CACNA1A: variants seen among roughly 807,000 people sequenced by gnomAD.
The protein encoded by CACNA1A is voltage-dependent P/Q-type calcium channel subunit alpha-1A.
In CACNA1A, 57 loss-of-function variants were observed where a neutral mutation model predicts 262.4. The ratio of observed to expected loss-of-function variants is 0.22; its 90% CI spans 0.18 to 0.27. The LOEUF is 0.27. Among genes scored for constraint, CACNA1A ranks in the 10% least tolerant of loss-of-function variants. The pLI, the probability that CACNA1A is intolerant of heterozygous loss-of-function variation, is 1.00. For missense variants in CACNA1A, 2,526 were observed against 3,562.8 expected (o/e 0.71, Z 7.41); for synonymous variants, 1,431 against 1,419.3 (o/e 1.01, Z -0.18).
intron 11 of CACNA1A, chr19:13,315,734 T>C (rs552087875): frequency 1.3e-5 from 2 of 152,214 alleles, no homozygotes; most frequent in South Asian, 2.1e-4. Context: ...AAGAAGACAA[T>C]GGCCTGGACT....
chr19:13,464,740 G>A (rs952735439), intron 1 of CACNA1A, among the ~76,000 whole-genome samples: 4 of 151,042 alleles, frequency 2.6e-5, no homozygotes, highest in South Asian at 2.1e-4. Flanking sequence ...AGTAGAGACG[G>A]GGTTTCACCG....
intron 17 of CACNA1A, among the ~76,000 whole-genome samples, chr19:13,301,826 C>G (rs2057795163): frequency 6.6e-6 from 1 of 152,158 alleles, no homozygotes; most frequent in Non-Finnish European, 1.5e-5. Context: ...CAGATCAGGA[C>G]ACTGTCAGAG....
rs943733591 is a variant in CACNA1A, at chr19:13,337,992, G to C, written c.979-2083C>G. Among the ~76,000 whole-genome samples, 4 of 152,294 alleles carry C rather than the reference G, an allele frequency of 2.6e-5. No homozygotes were observed. The East Asian group carries it at 7.7e-4, about 29-fold the overall frequency. On this transcript the variant is annotated intron_variant, in intron 6 of 46. Transcript: ENST00000360228. ...CCCAGCACTTTGGGAGGCCGAGGCG[G>C]GCAGATCATGAGGTCAGGAGATCGA...
At position 13,262,846 on chromosome 19, in the gene CACNA1A, G is replaced by A; in HGVS notation, c.3990-13C>T. 1 of 1,573,188 alleles carries A rather than the reference G, an allele frequency of 6.4e-7. No homozygotes were observed. Among genetic ancestry groups the A allele is most frequent in the Non-Finnish European group, 8.7e-7 (1 of 1,145,296 alleles). ...TTTGCTATTGCCACTGTGGAGGAAT[G>A]TTTAGGTGGGAAGAAGGGAAGAGAG... On this transcript the variant is annotated splice_polypyrimidine_tract_variant and intron_variant, in intron 24 of 46. Transcript: ENST00000360228.
intron 3 of CACNA1A, among the ~76,000 whole-genome samples, chr19:13,390,166 G>C (rs1368047789): frequency 6.6e-6 from 1 of 151,656 alleles, no homozygotes; most frequent in Non-Finnish European, 1.5e-5. Flanking sequence ...ACCCAGACTG[G>C]AGTGCAGCGG....
At chr19:13,373,370 G>A (rs1233118958) in intron 3 of CACNA1A, among the ~76,000 whole-genome samples, 1 of 152,206 alleles carries the variant, frequency 6.6e-6, no homozygotes, top group Non-Finnish European at 1.5e-5. Context: ...ACTTCAGTCT[G>A]TGGCCAACTG....
At chr19:13,216,605 G>A (rs1025752978) in intron 38 of CACNA1A, among the ~76,000 whole-genome samples, 1 of 152,036 alleles carries the variant, frequency 6.6e-6, no homozygotes, top group Admixed American at 6.6e-5. Context: ...TGGGATTACA[G>A]GCATGAGCCA....
In CACNA1A at chr19:13,207,836, G is replaced by A. The variant is rs1195193204; in HGVS notation, c.6998C>T (p.Ala2333Val). 5 of 1,465,028 alleles carry A rather than the reference G, an allele frequency of 3.4e-6. No homozygotes were observed. The highest frequency in any genetic ancestry group is 2.4e-5 in the Admixed American group (1 of 40,836). The allele number at this position is 1,465,028 out of a possible 1,614,324, so 90.8% of individuals were successfully genotyped here. A position where few individuals can be genotyped will look rare whatever the true frequency, so the allele number is the denominator to read the frequency against. ...QQQAVARPGR[A>V]ATSGPRRYPG... Reference sequence around the variant, plus strand: ...GTACCTCCGAGGGCCGCTGGTGGCCGCCCGGCCCGGCCTGGCCACCGCCTG... The same window carrying A: ...GTACCTCCGAGGGCCGCTGGTGGCCACCCGGCCCGGCCTGGCCACCGCCTG... Residue 2333 changes from alanine to valine, a missense_variant, in exon 47 of 47, where the codon GCG becomes GTG. Ala to Val is a moderately conservative substitution (Grantham distance 64). Coordinates refer to ENST00000360228, the MANE Select transcript of CACNA1A (RefSeq NM_001127222.2). The surrounding 1 kb of genome is among the most constrained non-coding windows in gnomAD (Gnocchi z 5.7).
In CACNA1A at chr19:13,207,899, G is replaced by C. The variant is rs994820572; in HGVS notation, c.6935C>G (p.Pro2312Arg). ...VIRKAGGSGP[P>R]QQQQQQQQQQ... is the part of the protein sequence containing the mutation. ...CTGCTGCTGCTGCTGCTGCTGCTGC[G>C]GGGGCCCCGAGCCGCCGGCCTTACG... Residue 2312 changes from proline (P) to arginine (R), a missense_variant, in exon 47 of 47, where the codon CCG becomes CGG. By Grantham distance (103) the Pro-to-Arg change is moderately radical. This residue lies in a region of CACNA1A where 929 missense variants were observed against 868.1 expected (regional missense o/e 1.07). Coordinates refer to ENST00000360228, the MANE Select transcript of CACNA1A (RefSeq NM_001127222.2). The surrounding 1 kb of genome is among the most constrained non-coding windows in gnomAD (Gnocchi z 5.7). 1 of 1,453,870 alleles carries C rather than the reference G, an allele frequency of 6.9e-7. No homozygotes were observed. The highest frequency in any genetic ancestry group is 9.0e-7 in the Non-Finnish European group (1 of 1,108,188). The allele number at this position is 1,453,870 out of a possible 1,614,324, so 90.1% of individuals were successfully genotyped here. A position where few individuals can be genotyped will look rare whatever the true frequency, so the allele number is the denominator to read the frequency against.
chr19:13,314,562 G>C (rs777735269), intron 11 of CACNA1A, among the ~76,000 whole-genome samples: 1 of 152,130 alleles, frequency 6.6e-6, no homozygotes. Context: ...AGTGTTCAAG[G>C]TGCAATCTTG....
chr19:13,294,487 CTT>C (rs780908964), intron 19 of CACNA1A, among the ~76,000 whole-genome samples: 23 of 72,524 alleles, frequency 3.2e-4, no homozygotes, highest in African/African-American at 1.2e-3. Context: ...CTGTACCTGG[CTT>C]TTTTTTTTTT....
At chr19:13,333,357 T>G (rs1333933971) in intron 8 of CACNA1A, among the ~76,000 whole-genome samples, 1 of 152,110 alleles carries the variant, frequency 6.6e-6, no homozygotes, top group East Asian at 1.9e-4. Flanking sequence ...GCTTCCTTCT[T>G]CACGTCCTTC....
chr19:13,209,219 T>C (rs2054709023), intron 45 of CACNA1A, 93 bp downstream of exon 45: 1 of 1,394,420 alleles, frequency 7.2e-7, no homozygotes, highest in Non-Finnish European at 9.4e-7. Context: ...GGCCTCTCCC[T>C]TTCTTCTTCC....
At chr19:13,331,203 A>G (rs1485149836) in intron 9 of CACNA1A, among the ~76,000 whole-genome samples, 1 of 152,098 alleles carries the variant, frequency 6.6e-6, no homozygotes, top group African/African-American at 2.4e-5. Context: ...AATCTCTCAG[A>G]TTTTTAATCA....
chr19:13,269,141 T>C (rs2419238), intron 24 of CACNA1A, among the ~76,000 whole-genome samples: 1 of 42,394 alleles, frequency 2.4e-5, no homozygotes, highest in Non-Finnish European at 3.9e-5. Flanking sequence ...GGACTACAGG[T>C]GAGAGACACC....
At chr19:13,380,040 C>T (rs2059489170) in intron 3 of CACNA1A, among the ~76,000 whole-genome samples, 1 of 136,610 alleles carries the variant, frequency 7.3e-6, no homozygotes, top group South Asian at 2.4e-4. Flanking sequence ...AATCCCAGCA[C>T]TTTGGGAGGC....
intron 6 of CACNA1A, among the ~76,000 whole-genome samples, chr19:13,358,997 C>T (rs1055806874): frequency 6.6e-6 from 1 of 152,162 alleles, no homozygotes; most frequent in African/African-American, 2.4e-5. Context: ...GCTCTGGCCA[C>T]ATTTGTGTTA....
At chr19:13,465,963 A>G (rs913086822) in intron 1 of CACNA1A, among the ~76,000 whole-genome samples, 2 of 152,122 alleles carry the variant, frequency 1.3e-5, no homozygotes, top group African/African-American at 4.8e-5. Context: ...ATCCATAGAG[A>G]CAGAATGCAG....
intron 29 of CACNA1A, among the ~76,000 whole-genome samples, chr19:13,254,455 C>T (rs971531775): frequency 6.6e-6 from 1 of 151,822 alleles, no homozygotes; most frequent in South Asian, 2.1e-4. Context: ...CTCCGCCTCC[C>T]GGGTTCAAGC....
Sources: allele counts gnomAD v4.1 joint callset (sites outside exome capture counted in the v4.1 genomes callset), GRCh38; gene constraint gnomAD v4.1.1; regional missense constraint gnomAD v4.1.1; non-coding constraint Gnocchi (gnomAD v3.1); transcripts MANE v1.5; gene names NCBI Gene and HGNC (gene_info 2026-07-23, HGNC 2026-07-21).